THNSL2: variants seen among roughly 807,000 people sequenced by gnomAD.
The protein encoded by THNSL2 is threonine synthase like 2, also known as threonine synthase-like 2.
A neutral mutation model predicts 40.0 loss-of-function variants in THNSL2; 34 were observed. The observed-to-expected ratio is 0.85, with a 90% confidence interval of 0.65 to 1.13. The LOEUF (loss-of-function observed/expected upper bound fraction) is 1.13, where lower values mean the gene tolerates loss of function less well. Ranked by LOEUF, THNSL2 falls within the 50% of genes most tolerant of loss-of-function variation. The pLI, the probability that THNSL2 is intolerant of heterozygous loss-of-function variation, is 0.00. For synonymous variants in THNSL2, 241 were observed against 247.5 expected (o/e 0.97, Z 0.25); for missense variants, 537 against 608.8 (o/e 0.88, Z 1.24).
intron 8 of THNSL2, 32 bp from the exon 9 acceptor site, chr2:88,185,866 C>T (rs1429034791): frequency 2.6e-6 from 4 of 1,564,856 alleles, no homozygotes; most frequent in East Asian, 2.4e-5. Context: ...CTCTCATTGT[C>T]CTCCGGGTGC....
intron 4 of THNSL2, among the ~76,000 whole-genome samples, chr2:88,177,852 C>G (rs899181851): frequency 1.3e-5 from 2 of 152,188 alleles, no homozygotes; most frequent in African/African-American, 4.8e-5. Flanking sequence ...CATGAGAGTA[C>G]CAGGCACTGA....
chr2:88,178,174 T>C (rs1260335387), intron 4 of THNSL2, among the ~76,000 whole-genome samples: 1 of 152,216 alleles, frequency 6.6e-6, no homozygotes, highest in Non-Finnish European at 1.5e-5. Flanking sequence ...ATTTATCTGG[T>C]AATTCACTCA....
chr2:88,172,293 G>C (rs1369788425), intron 1 of THNSL2: 2 of 152,260 alleles, frequency 1.3e-5, no homozygotes, highest in Non-Finnish European at 2.9e-5. Flanking sequence ...GGCCTAAGGG[G>C]TCCTGGGCTT....
At chr2:88,178,499 A>G (rs1677173239) in intron 4 of THNSL2, among the ~76,000 whole-genome samples, 1 of 152,222 alleles carries the variant, frequency 6.6e-6, no homozygotes, top group Admixed American at 6.5e-5. Flanking sequence ...ATCTTATTTT[A>G]GATAATGGTA....
Position 88,174,699 on chromosome 2 carries a change from T to C in THNSL2, c.284T>C (p.Leu95Ser). Residue 95 changes from leucine (L) to serine (S), a missense_variant, in exon 3 of 9, where the codon TTG (leucine) becomes TCG (serine). Coordinates refer to ENST00000674334, the MANE Select transcript of THNSL2 (RefSeq NM_018271.5). ...AGAGAAGTGGTCCATCTGTCCAGGT[T>C]GAGGAATGGGCTGAACGTGTTGGAG... Reference protein sequence around the residue: ...RHREVVHLSRLRNGLNVLELW... With the variant: ...RHREVVHLSRSRNGLNVLELW... The C allele has an allele frequency of 6.2e-7, 1 of 1,614,162 alleles. No individual in the cohort carries two copies. Among genetic ancestry groups the C allele is most frequent in the Non-Finnish European group, 8.5e-7 (1 of 1,180,020 alleles).
chr2:88,184,027 C>A (rs544205188), intron 7 of THNSL2, among the ~76,000 whole-genome samples: 22 of 152,204 alleles, frequency 1.4e-4, no homozygotes, highest in Non-Finnish European at 3.2e-4. Flanking sequence ...AGTCTTCCCA[C>A]TTCCTTTAGT....
At chr2:88,173,084 C>T (rs992770613) in intron 1 of THNSL2, 55 bp from the exon 2 acceptor site, 11 of 1,313,214 alleles carry the variant, frequency 8.4e-6, no homozygotes, top group South Asian at 7.8e-5. Flanking sequence ...TGGCTTTGCC[C>T]GGTGGGGTGT....
intron 1 of THNSL2, 140 bp from the exon 2 acceptor site, chr2:88,172,999 C>T: frequency 2.1e-6 from 1 of 478,850 alleles, no homozygotes; most frequent in Non-Finnish European, 3.7e-6. Context: ...TGATACAGGA[C>T]TGCCATCTCT....
Position 88,174,657 on chromosome 2 carries a change from T to A in THNSL2, c.242T>A (p.Phe81Tyr). ...DELNDLIDRA[F>Y]SRFRHREVVH... ...CTCACAGATCTGATCGACCGAGCCT[T>A]CAGCAGATTCCGTCACAGAGAAGTG... The change falls in exon 3 of 9, where the codon TTC becomes TAC. Residue 81 changes from phenylalanine to tyrosine, a missense_variant. Transcript: ENST00000674334. The A allele has an allele frequency of 2.5e-6, 4 of 1,614,178 alleles. No individual in the cohort carries two copies. Among genetic ancestry groups the A allele is most frequent in the Non-Finnish European group, 3.4e-6 (4 of 1,180,030 alleles).
intron 4 of THNSL2, 87 bp downstream of exon 4, chr2:88,175,488 C>T (rs1470582499): frequency 2.7e-5 from 42 of 1,533,244 alleles, no homozygotes; most frequent in Non-Finnish European, 3.1e-5. Context: ...CAAAATTGCA[C>T]AGTTGGGTAG....
rs748028126 is a variant in THNSL2 at position 88,173,374 on chromosome 2, G to A, written c.223+1G>A. On this transcript the variant is annotated splice_donor_variant, in intron 2 of 8. Coordinates refer to ENST00000674334, the MANE Select transcript of THNSL2 (RefSeq NM_018271.5). LOFTEE classifies it high-confidence loss of function. ...CTCCTTCCAAAAGATGAATTAAATG[G>A]TGAGTGCTCCCACCTGTACTTTCAC... 3 of 1,598,404 alleles carry A rather than the reference G, an allele frequency of 1.9e-6. No homozygotes were observed. Among genetic ancestry groups the A allele is most frequent in the African/African-American group, 1.3e-5 (1 of 74,816 alleles).
chr2:88,171,372 C>A (rs952051904), intron 1 of THNSL2: 67 of 455,564 alleles, frequency 1.5e-4, no homozygotes, highest in Non-Finnish European at 2.3e-4. Flanking sequence ...CCCCTCTGTC[C>A]TCTGTTCCTG....
chr2:88,185,719 T>A, intron 8 of THNSL2, 179 bp from the exon 9 acceptor site: 1 of 1,551,106 alleles, frequency 6.4e-7, no homozygotes, highest in African/African-American at 1.4e-5. Context: ...AGGAGCAGTT[T>A]GCCAGGTAGC....
chr2:88,184,981 G>A (rs1299195738), intron 7 of THNSL2, among the ~76,000 whole-genome samples: 1 of 152,206 alleles, frequency 6.6e-6, no homozygotes, highest in Non-Finnish European at 1.5e-5. Context: ...GAGCTGAATA[G>A]GAACTGACAG....
At chr2:88,181,670 T>C (rs951439952) in intron 5 of THNSL2, among the ~76,000 whole-genome samples, 1 of 152,004 alleles carries the variant, frequency 6.6e-6, no homozygotes, top group Admixed American at 6.6e-5. Context: ...GTTTTTAGTA[T>C]AATATATTCA....
In THNSL2 at chr2:88,182,702, G is replaced by T; in HGVS notation, c.806G>T (p.Gly269Val). ...PTGAAGNLAA[G>V]YIAQKIGLPI... Reference sequence around the variant, plus strand: ...TCTCCTCCTCTCTTGTCTTAAGCTGGGTACATTGCTCAAAAGATAGGCCTG... The same window carrying T: ...TCTCCTCCTCTCTTGTCTTAAGCTGTGTACATTGCTCAAAAGATAGGCCTG... Residue 269 changes from glycine (G) to valine (V), a missense_variant, in exon 6 of 9, where the codon GGG becomes GTG. By Grantham distance (109) the Gly-to-Val change is moderately radical (BLOSUM62 -3). Coordinates refer to ENST00000674334, the MANE Select transcript of THNSL2 (RefSeq NM_018271.5). 6.2e-7 allele frequency: 1 copy of T among 1,605,828 alleles called. No individual in the cohort carries two copies. Among genetic ancestry groups the T allele is most frequent in the Non-Finnish European group, 8.5e-7 (1 of 1,173,548 alleles).
intron 2 of THNSL2, among the ~76,000 whole-genome samples, chr2:88,173,885 G>A (rs1019858190): frequency 6.6e-5 from 10 of 152,320 alleles, no homozygotes; most frequent in Admixed American, 4.6e-4. Flanking sequence ...GTAGGAATGA[G>A]AATTCTGCAT....
At position 88,185,953 on chromosome 2, in the gene THNSL2, C is replaced by T. The variant is rs1678251161; in HGVS notation, c.1285C>T (p.Leu429=). 2 of 1,612,838 alleles carry T rather than the reference C, an allele frequency of 1.2e-6. No individual in the cohort carries two copies. The highest frequency in any genetic ancestry group is 1.7e-6 in the Non-Finnish European group (2 of 1,179,672). ...ASAAKFPEAV[L]AAGLTPETPA... is the part of the protein sequence containing the mutation. Reference sequence around the variant, plus strand: ...TGCAGCCAAGTTCCCGGAAGCTGTCCTGGCTGCTGGCCTGACCCCTGAGAC... The same window carrying T: ...TGCAGCCAAGTTCCCGGAAGCTGTCTTGGCTGCTGGCCTGACCCCTGAGAC... Residue 429 remains leucine, a synonymous_variant, in exon 9 of 9, where the codon CTG becomes TTG. Transcript: ENST00000674334.
chr2:88,185,749 C>A, intron 8 of THNSL2, 149 bp from the exon 9 acceptor site: 1 of 1,547,714 alleles, frequency 6.5e-7, no homozygotes, highest in South Asian at 1.2e-5. Context: ...GCAATAAGTT[C>A]AAGGTGCCAA....
Sources: gnomAD v4.1 joint callset for allele counts (sites outside exome capture counted in the v4.1 genomes callset) on GRCh38, gnomAD v4.1.1 for gene constraint, MANE v1.5 for transcripts, NCBI Gene and HGNC (gene_info 2026-07-23, HGNC 2026-07-21) for gene names.